The following LAMB4 variants were observed in gnomAD, a reference collection of about 807,000 sequenced individuals.
LAMB4 encodes laminin subunit beta 4.
Under a neutral mutation model 199.2 loss-of-function variants are expected in LAMB4, and 196 were observed. That is an observed-to-expected ratio of 0.98 (90% confidence interval 0.88 to 1.11). The LOEUF (loss-of-function observed/expected upper bound fraction) is 1.11. LAMB4 is among the 50% of genes least tolerant of loss of function. The pLI is 0.00. For missense variants in LAMB4, 2,080 were observed against 2,171.2 expected (o/e 0.96, Z 0.83); for synonymous variants, 744 against 770.6 (o/e 0.97, Z 0.57).
At chr7:108,051,758 C>T (rs2035834460) in intron 26 of LAMB4, among the ~76,000 whole-genome samples, 1 of 151,592 alleles carries the variant, frequency 6.6e-6, no homozygotes, top group Non-Finnish European at 1.5e-5. Context: ...GGCATATAAA[C>T]ATGTCTCTCT....
chr7:108,060,777 A>C (rs2036133125), intron 23 of LAMB4, among the ~76,000 whole-genome samples: 1 of 152,228 alleles, frequency 6.6e-6, no homozygotes, highest in African/African-American at 2.4e-5. Flanking sequence ...GAATGAATGA[A>C]TAAACGTAAG....
the LAMB4 span, among the ~76,000 whole-genome samples, chr7:108,014,170 G>A: frequency 6.6e-6 from 1 of 152,260 alleles, no homozygotes; most frequent in East Asian, 1.9e-4. Context: ...ATAGTTTCTT[G>A]TGGATGTATT....
At chr7:108,124,118 T>G (rs1413542696) in intron 1 of LAMB4, among the ~76,000 whole-genome samples, 1 of 152,122 alleles carries the variant, frequency 6.6e-6, no homozygotes, top group Non-Finnish European at 1.5e-5. Flanking sequence ...GGATTCAAGC[T>G]GATTCTCCCA....
intron 25 of LAMB4, 121 bp from the exon 26 acceptor site, chr7:108,052,378 A>G (rs920545919): frequency 3.0e-6 from 2 of 672,900 alleles, no homozygotes; most frequent in African/African-American, 1.8e-5. Context: ...GATTCCTTCT[A>G]CTCGAGTTTT....
chr7:108,106,662 C>A, intron 6 of LAMB4, 90 bp from the exon 7 acceptor site: 1 of 733,838 alleles, frequency 1.4e-6, no homozygotes, highest in South Asian at 1.8e-5. Context: ...CCTCCCAGGC[C>A]CAAGAAATCT....
At chr7:108,105,301 C>T (rs1563097339) in intron 8 of LAMB4, among the ~76,000 whole-genome samples, 2 of 152,120 alleles carry the variant, frequency 1.3e-5, no homozygotes, top group African/African-American at 4.8e-5. Flanking sequence ...GGTAAGAATG[C>T]TATTTGGATT....
intron 6 of LAMB4, 144 bp downstream of exon 6, chr7:108,107,487 T>C: frequency 1.6e-6 from 1 of 629,332 alleles, no homozygotes; most frequent in Non-Finnish European, 2.7e-6. Context: ...TTGGGAATCA[T>C]TTCAGTTTAG....
Position 108,091,778 on chromosome 7 carries a change from TG to T in LAMB4, c.1551-3del. 6.2e-7 allele frequency: 1 copy of T among 1,612,668 alleles called. No homozygotes were observed. Reference sequence around the variant, plus strand: ...CACTGCCCATTCTTGGGTGAGCACCTGAGGAAAAAGCAATTCATCATGAAAA... The same window carrying T: ...CACTGCCCATTCTTGGGTGAGCACCTAGGAAAAAGCAATTCATCATGAAAA... On this transcript the variant is annotated splice_region_variant and splice_polypyrimidine_tract_variant and intron_variant, in intron 13 of 33. Coordinates refer to ENST00000388781, the MANE Select transcript of LAMB4 (RefSeq NM_007356.3).
chr7:108,121,750 T>TAAAA lies in LAMB4; in HGVS notation c.34+1377_34+1380dup, dbSNP rs36039113. On this transcript the variant is annotated intron_variant, in intron 2 of 33. Coordinates refer to ENST00000388781, the MANE Select transcript of LAMB4 (RefSeq NM_007356.3). ...GGGCGACAAGAATGAAACTCTGTCT[T>TAAAA]AAAAAAAAAAAAAAAAGAACGCATG... is the stretch of plus-strand genomic sequence containing the variant. Among the ~76,000 whole-genome samples, 158 of 138,284 alleles carry TAAAA rather than the reference T, an allele frequency of 1.1e-3. 1 individual carries two copies. The highest frequency in any genetic ancestry group is 4.0e-3 in the African/African-American group (153 of 37,916). 90.7% of individuals were successfully genotyped at this position (138,284 alleles called of 152,430 possible).
At chr7:108,018,842 T>C (rs2034635430), downstream of LAMB4, among the ~76,000 whole-genome samples, 1 of 152,212 alleles carries the variant, frequency 6.6e-6, no homozygotes, top group Admixed American at 6.5e-5. Context: ...TATTATCTTT[T>C]ATGGCTTTCA....
At chr7:108,034,523 A>G (rs2035157491) in intron 30 of LAMB4, among the ~76,000 whole-genome samples, 177 bp from the exon 31 acceptor site, 1 of 152,218 alleles carries the variant, frequency 6.6e-6, no homozygotes, top group Admixed American at 6.5e-5. Context: ...GTATATTTAA[A>G]TGCCAATAAA....
intron 33 of LAMB4, among the ~76,000 whole-genome samples, 176 bp downstream of exon 33, chr7:108,028,867 A>G (rs1261484636): frequency 6.6e-6 from 1 of 152,186 alleles, no homozygotes; most frequent in African/African-American, 2.4e-5. Flanking sequence ...AGGCAAATCC[A>G]TGCAAGAGGC....
the LAMB4 span, among the ~76,000 whole-genome samples, chr7:108,018,522 G>A: frequency 1.3e-5 from 2 of 152,146 alleles, no homozygotes; most frequent in Non-Finnish European, 2.9e-5. Flanking sequence ...GGTGGATCAT[G>A]AGGTCGGGAG....
At chr7:108,040,741 T>A (rs549423920) in intron 29 of LAMB4, among the ~76,000 whole-genome samples, 1 of 152,202 alleles carries the variant, frequency 6.6e-6, no homozygotes, top group South Asian at 2.1e-4. Context: ...CCTCCTTACA[T>A]CTTATATGAA....
intron 33 of LAMB4, among the ~76,000 whole-genome samples, chr7:108,027,093 A>T (rs2034865339): frequency 6.6e-6 from 1 of 152,138 alleles, no homozygotes; most frequent in Non-Finnish European, 1.5e-5. Flanking sequence ...ACAGGACAGA[A>T]ATATTCTCCC....
At chr7:108,076,480 A>G (rs1037370910) in intron 17 of LAMB4, among the ~76,000 whole-genome samples, 1 of 152,216 alleles carries the variant, frequency 6.6e-6, no homozygotes, top group Non-Finnish European at 1.5e-5. Flanking sequence ...AAGCACTCTG[A>G]TTTCAATGAT....
rs746161210 is a variant in LAMB4, at chr7:108,024,082, T to G, written c.5243A>C (p.Glu1748Ala). ...LEDQVVAIKN[E>A]IVEQEKKYAR... ...ATATTTTTTTTCTTGTTCAACAATT[T>G]CATTTTTAATGGCAACAACTTGATC... Residue 1748 changes from glutamate (E) to alanine (A), a missense_variant, in exon 34 of 34, where the codon GAA (glutamate) becomes GCA (alanine). By Grantham distance (107) the Glu-to-Ala change is moderately radical (BLOSUM62 -1). Transcript: ENST00000388781. 20 of 1,609,124 alleles carry G rather than the reference T, an allele frequency of 1.2e-5. No homozygotes were observed. The South Asian group carries it at 2.2e-4, about 18-fold the overall frequency.
At chr7:108,108,094 C>T (rs1208303079) in intron 5 of LAMB4, among the ~76,000 whole-genome samples, 5 of 152,242 alleles carry the variant, frequency 3.3e-5, no homozygotes, top group Middle Eastern at 3.4e-3. Flanking sequence ...GTGCATGCCA[C>T]CATGCCCAGA....
intron 21 of LAMB4, among the ~76,000 whole-genome samples, chr7:108,064,336 C>T (rs1247570169): frequency 6.6e-6 from 1 of 152,156 alleles, no homozygotes; most frequent in African/African-American, 2.4e-5. Flanking sequence ...CCCTGGTCTC[C>T]TGGGGCAACC....
Sources: gnomAD v4.1 joint callset for allele counts (sites outside exome capture counted in the v4.1 genomes callset) on GRCh38, gnomAD v4.1.1 for gene constraint, MANE v1.5 for transcripts, NCBI Gene and HGNC (gene_info 2026-07-23, HGNC 2026-07-21) for gene names.